Variants in CCDC91 observed in about 807,000 individuals in gnomAD.
The protein encoded by CCDC91 is coiled-coil domain containing 91.
CCDC91 carries 48 observed loss-of-function variants against 63.2 expected under a neutral mutation model. The ratio of observed to expected loss-of-function variants is 0.76; its 90% confidence interval spans 0.60 to 0.97. CCDC91 has a LOEUF of 0.97. Among genes scored for constraint, CCDC91 ranks in the 50% least tolerant of loss-of-function variants. CCDC91 has a pLI of 0.00. For missense variants in CCDC91, 500 were observed against 494.6 expected, an observed-to-expected ratio of 1.01 and a Z score of -0.10; for synonymous variants, 167 against 165.8, an observed-to-expected ratio of 1.01 and a Z score of -0.06.
intron 12 of CCDC91, 55 bp downstream of exon 12, chr12:28,484,220 T>G: frequency 1.1e-6 from 1 of 873,656 alleles, no homozygotes; most frequent in East Asian, 2.7e-5. Context: ...AATCAGTGAC[T>G]TCCATACAAT....
intron 3 of CCDC91, among the ~76,000 whole-genome samples, chr12:28,269,177 A>C (rs138091956): frequency 6.6e-6 from 1 of 151,834 alleles, no homozygotes; most frequent in East Asian, 1.9e-4. Context: ...TTGAGTTTTC[A>C]TGTATTTCCT....
rs553487169 is a variant in CCDC91, at chr12:28,224,612, C to T, written c.-14-32590C>T. ...AAGTGGTTAAGTTTTTGTCATTTTG[C>T]GTTTTCCTGTCCAACAGGGAGGGTT... On this transcript the variant is annotated intron_variant, in intron 1 of 12. Coordinates refer to ENST00000536442, the MANE Select transcript of CCDC91 (RefSeq NM_018318.5). Among the ~76,000 whole-genome samples, 12 of 152,150 alleles carry T rather than the reference C, an allele frequency of 7.9e-5. No individual in the cohort carries two copies. The South Asian group carries it at 8.3e-4, about 11-fold the overall frequency.
chr12:28,273,310 A>G (rs551056343), intron 3 of CCDC91, among the ~76,000 whole-genome samples: 21 of 152,218 alleles, frequency 1.4e-4, no homozygotes, highest in Admixed American at 6.6e-4. Context: ...ACGTGTGCAC[A>G]TGTCTTTATA....
intron 3 of CCDC91, among the ~76,000 whole-genome samples, chr12:28,276,489 G>A (rs1948235607): frequency 6.6e-6 from 1 of 151,814 alleles, no homozygotes; most frequent in Admixed American, 6.6e-5. Flanking sequence ...ATGAATGGTG[G>A]AAAATGTTTC....
At chr12:28,439,279 G>A (rs1949060975) in intron 8 of CCDC91, among the ~76,000 whole-genome samples, 1 of 152,122 alleles carries the variant, frequency 6.6e-6, no homozygotes, top group Admixed American at 6.5e-5. Context: ...GTTTATCTAT[G>A]TTAGGTTTTG....
intron 4 of CCDC91, 49 bp from the exon 5 acceptor site, chr12:28,306,693 A>G (rs1407260829): frequency 3.1e-6 from 4 of 1,276,988 alleles, no homozygotes; most frequent in Non-Finnish European, 4.4e-6. Context: ...CATTATTGGT[A>G]TAGTGTAAAC....
At chr12:28,474,542 A>G (rs1036330859) in intron 11 of CCDC91, among the ~76,000 whole-genome samples, 1 of 152,062 alleles carries the variant, frequency 6.6e-6, no homozygotes, top group African/African-American at 2.4e-5. Flanking sequence ...CTAAAGATTA[A>G]TGTTGTTGTT....
chr12:28,448,424 C>G (rs1283504932), intron 8 of CCDC91, among the ~76,000 whole-genome samples: 28 of 152,094 alleles, frequency 1.8e-4, no homozygotes, highest in Admixed American at 1.6e-3. Flanking sequence ...TTCTTTCAAA[C>G]AGTAAATTTC....
intron 12 of CCDC91, among the ~76,000 whole-genome samples, chr12:28,533,230 A>G (rs899618871): frequency 6.6e-6 from 1 of 152,074 alleles, no homozygotes; most frequent in Non-Finnish European, 1.5e-5. Context: ...TACATATAAC[A>G]TAATTCTATT....
intron 1 of CCDC91, among the ~76,000 whole-genome samples, chr12:28,220,325 A>T (rs1239506427): frequency 6.6e-6 from 1 of 152,114 alleles, no homozygotes. Context: ...TTAACGTATT[A>T]GTCCACTTAT....
chr12:28,452,764 A>T (rs1949873896), intron 11 of CCDC91, 110 bp downstream of exon 11: 3 of 429,688 alleles, frequency 7.0e-6, no homozygotes, highest in African/African-American at 2.1e-5. Flanking sequence ...GTAGATATTT[A>T]TGACTTTTTA....
intron 1 of CCDC91, among the ~76,000 whole-genome samples, chr12:28,216,039 T>C (rs776003745): frequency 1.6e-4 from 24 of 152,114 alleles, no homozygotes; most frequent in Non-Finnish European, 2.6e-4. Context: ...TAGTACTTAA[T>C]CGTTGTTGTT....
intron 1 of CCDC91, among the ~76,000 whole-genome samples, chr12:28,228,778 G>A (rs1944423308): frequency 1.3e-5 from 2 of 152,070 alleles, no homozygotes; most frequent in Non-Finnish European, 2.9e-5. Context: ...GCTGAAACAT[G>A]TTAGGTTAAA....
At chr12:28,427,616 A>G (rs1384141962) in intron 8 of CCDC91, among the ~76,000 whole-genome samples, 1 of 152,102 alleles carries the variant, frequency 6.6e-6, no homozygotes, top group African/African-American at 2.4e-5. Flanking sequence ...TTACCAGTTT[A>G]TATCTCCAGC....
chr12:28,441,699 C>A (rs1245490517), intron 8 of CCDC91, among the ~76,000 whole-genome samples: 30 of 130,912 alleles, frequency 2.3e-4, no homozygotes, highest in South Asian at 1.4e-3. Flanking sequence ...ATATATATAT[C>A]TCTCTCATAT....
intron 3 of CCDC91, among the ~76,000 whole-genome samples, chr12:28,285,008 G>C (rs1453060662): frequency 6.6e-6 from 1 of 152,188 alleles, no homozygotes; most frequent in African/African-American, 2.4e-5. Flanking sequence ...TGGAGGGTTG[G>C]TGGAAAGAGC....
intron 8 of CCDC91, among the ~76,000 whole-genome samples, chr12:28,402,517 G>A (rs1197203966): frequency 2.7e-5 from 3 of 113,034 alleles, no homozygotes; most frequent in Non-Finnish European, 3.5e-5. Context: ...ATTAGTTCCA[G>A]GAATTTTTTT....
At chr12:28,215,566 C>T (rs930093228) in intron 1 of CCDC91, among the ~76,000 whole-genome samples, 2 of 152,046 alleles carry the variant, frequency 1.3e-5, no homozygotes, top group African/African-American at 4.8e-5. Flanking sequence ...GAAGAGTGGC[C>T]TTTAGCTTAC....
intron 11 of CCDC91, among the ~76,000 whole-genome samples, chr12:28,462,768 A>G (rs1467525118): frequency 6.6e-6 from 1 of 152,152 alleles, no homozygotes; most frequent in Non-Finnish European, 1.5e-5. Flanking sequence ...ACTGATTATT[A>G]TAATTTTGAG....
Sources: allele counts gnomAD v4.1 joint callset (sites outside exome capture counted in the v4.1 genomes callset), GRCh38; gene constraint gnomAD v4.1.1; transcripts MANE v1.5; gene names NCBI Gene and HGNC (gene_info 2026-07-23, HGNC 2026-07-21).